RAB11FIP5: variants seen among roughly 807,000 people sequenced by gnomAD.
The protein encoded by RAB11FIP5 is RAB11 family interacting protein 5, also known as rab11 family-interacting protein 5.
A neutral mutation model predicts 85.1 loss-of-function variants in RAB11FIP5; 48 were observed. The ratio of observed to expected loss-of-function variants is 0.56; its 90% CI spans 0.45 to 0.72. The LOEUF is 0.72. Ranked by LOEUF, RAB11FIP5 falls within the 30% of genes least tolerant of loss-of-function variation. The pLI, the probability that RAB11FIP5 is intolerant of heterozygous loss-of-function variation, is 0.00. For synonymous variants in RAB11FIP5, 729 were observed against 727.3 expected, an observed-to-expected ratio of 1.00 and a Z score of -0.04; for missense variants, 1,491 against 1,687.0, an observed-to-expected ratio of 0.88 and a Z score of 2.04.
rs919589643 is a variant in RAB11FIP5, at chr2:73,089,027, C to T, written c.720G>A (p.Leu240=). The stretch of plus-strand genomic sequence containing the variant: ...TGGACTGGGTCAGGGACGACTTGCG[C>T]AGCTTGTTGCGGAGGAAGAAGCCTT... ...KAKGFFLRNK[L]RKSSLTQSNT... The change falls in exon 2 of 6, where the codon CTG becomes CTA. Residue 240 remains leucine (L), a synonymous_variant. Transcript: ENST00000486777. This position sits in a 1 kb window ranked among gnomAD's most constrained non-coding sequence, Gnocchi z 4.6. 7 of 1,614,224 alleles carry T rather than the reference C, an allele frequency of 4.3e-6. No homozygotes were observed. Among genetic ancestry groups the T allele is most frequent in the Non-Finnish European group, 5.9e-6 (7 of 1,180,036 alleles).
At position 73,086,413 on chromosome 2, in the gene RAB11FIP5, G is replaced by A. The variant is rs561580651; in HGVS notation, c.1568+1637C>T. Among the ~76,000 whole-genome samples the A allele has an allele frequency of 9.9e-4, 151 of 152,272 alleles. No homozygotes were observed. Among genetic ancestry groups the A allele is most frequent in the African/African-American group, 3.4e-3 (140 of 41,564 alleles). ...AAGCAGGAGAAAGAGGATGGAGACT[G>A]TAAGTGCCCCAGGCCAGTGACAACC... On this transcript the variant is annotated intron_variant, in intron 3 of 5. Coordinates refer to ENST00000486777, the MANE Select transcript of RAB11FIP5 (RefSeq NM_001371272.1). This position sits in a 1 kb window ranked among gnomAD's most constrained non-coding sequence, Gnocchi z 4.4.
chr2:73,098,057 A>G (rs2106118324), intron 1 of RAB11FIP5, among the ~76,000 whole-genome samples: 1 of 152,254 alleles, frequency 6.6e-6, no homozygotes, highest in South Asian at 2.1e-4. Flanking sequence ...TGGGAGGCAG[A>G]CTCTGGAAGT....
In RAB11FIP5 at chr2:73,076,119, G is replaced by A; in HGVS notation, c.3645C>T (p.Ser1215=). ...PVEGSPDRKQ[S]RSSLSIALSS... ...TCAGGGCTATGCTCAGACTGGAGCG[G>A]GACTGCTTCCTGTCGGGGCTGCCCT... Residue 1215 remains serine, a synonymous_variant, in exon 5 of 6, where the codon TCC becomes TCT. Transcript: ENST00000486777. 6.2e-7 allele frequency: 1 copy of A among 1,614,040 alleles called. No homozygotes were observed. The highest frequency in any genetic ancestry group is 8.5e-7 in the Non-Finnish European group (1 of 1,179,896).
chr2:73,099,616 C>T (rs548690308), intron 1 of RAB11FIP5, among the ~76,000 whole-genome samples: 4 of 152,248 alleles, frequency 2.6e-5, no homozygotes, highest in Admixed American at 6.5e-5. Flanking sequence ...CCCAGCGTCA[C>T]GCCACAGTGC....
At chr2:73,079,517 C>T (rs1683925650) in intron 4 of RAB11FIP5, 134 bp downstream of exon 4, 32 of 1,114,028 alleles carry the variant, frequency 2.9e-5, no homozygotes, top group Non-Finnish European at 3.5e-5. Flanking sequence ...TACCGTCTTG[C>T]CTCTGGGGTA....
Position 73,081,204 on chromosome 2 carries a change from C to T in RAB11FIP5, c.2028G>A (p.Leu676=), listed in dbSNP as rs772706230. ...SEILAPAGVG[L]EAAGLQDPGP... is the part of the protein sequence containing the mutation. ...CTGGGTCTTGCAGCCCTGCCGCCTC[C>T]AGCCCCACTCCTGCAGGGGCCAGGA... Residue 676 remains leucine (L), a synonymous_variant, in exon 4 of 6, where the codon CTG becomes CTA. Coordinates refer to ENST00000486777, the MANE Select transcript of RAB11FIP5 (RefSeq NM_001371272.1). This position sits in a 1 kb window ranked among gnomAD's most constrained non-coding sequence, Gnocchi z 4.2. 5.7e-6 allele frequency: 7 copies of T among 1,232,412 alleles called. No individual in the cohort carries two copies. The highest frequency in any genetic ancestry group is 6.1e-6 in the Non-Finnish European group (6 of 988,226). The allele number at this position is 1,232,412 out of a possible 1,614,324, so 76.3% of individuals were successfully genotyped here. A position where few individuals can be genotyped will look rare whatever the true frequency, so the allele number is the denominator to read the frequency against.
At chr2:73,079,481 T>C (rs927355866) in intron 4 of RAB11FIP5, among the ~76,000 whole-genome samples, 170 bp downstream of exon 4, 13 of 152,152 alleles carry the variant, frequency 8.5e-5, no homozygotes, top group African/African-American at 3.1e-4. Context: ...GGTGGTACCA[T>C]AGAAAGCTCC....
chr2:73,080,718 G>T lies in RAB11FIP5; in HGVS notation c.2514C>A (p.Val838=). ...CTGTCTCAGCTGCAGGAGAAATGGT[G>T]ACCACATCCCAAGGCCAGGCATCAT... ...TADDAWPWDV[V]TISPAAETAS... Residue 838 remains valine (V), a synonymous_variant, in exon 4 of 6, where the codon GTC becomes GTA. Coordinates refer to ENST00000486777, the MANE Select transcript of RAB11FIP5 (RefSeq NM_001371272.1). 1 of 1,232,528 alleles carries T rather than the reference G, an allele frequency of 8.1e-7. No individual in the cohort carries two copies. The highest frequency in any genetic ancestry group is 4.1e-5 in the South Asian group (1 of 24,286). 76.3% of individuals were successfully genotyped at this position (1,232,528 alleles called of 1,614,324 possible).
At position 73,089,539 on chromosome 2, in the gene RAB11FIP5, G is replaced by C. The variant is rs1450869167; in HGVS notation, c.432-224C>G. On this transcript the variant is annotated intron_variant, in intron 1 of 5. Transcript: ENST00000486777. The surrounding 1 kb of genome is among the most constrained non-coding windows in gnomAD (Gnocchi z 4.6). Reference sequence around the variant, plus strand: ...ATGGAGAAAACCACATCCTGAGTGGGGAAGCTCCTCGGGTGCCACCAGGTA... The same window carrying C: ...ATGGAGAAAACCACATCCTGAGTGGCGAAGCTCCTCGGGTGCCACCAGGTA... The C allele has an allele frequency of 3.2e-6, 2 of 629,036 alleles. No homozygotes were observed. The highest frequency in any genetic ancestry group is 5.7e-5 in the East Asian group (2 of 35,000). 39.0% of individuals were successfully genotyped at this position (629,036 alleles called of 1,614,324 possible). A position where few individuals can be genotyped will look rare whatever the true frequency, so the allele number is the denominator to read the frequency against.
At chr2:73,100,426 T>G (rs1387655891) in intron 1 of RAB11FIP5, among the ~76,000 whole-genome samples, 2 of 62,006 alleles carry the variant, frequency 3.2e-5, no homozygotes, top group African/African-American at 2.3e-4. Flanking sequence ...TTGGTTGTGG[T>G]TTTTTTTTTT....
rs1187964900 is a variant in RAB11FIP5 at position 73,080,715 on chromosome 2, G to A, written c.2517C>T (p.Thr839=). Residue 839 remains threonine, a synonymous_variant, in exon 4 of 6, where the codon ACC becomes ACT. Coordinates refer to ENST00000486777, the MANE Select transcript of RAB11FIP5 (RefSeq NM_001371272.1). ...AGGCTGTCTCAGCTGCAGGAGAAAT[G>A]GTGACCACATCCCAAGGCCAGGCAT... ...ADDAWPWDVV[T]ISPAAETASL... 1 of 1,232,546 alleles carries A rather than the reference G, an allele frequency of 8.1e-7. No individual in the cohort carries two copies. Among genetic ancestry groups the A allele is most frequent in the East Asian group, 3.2e-5 (1 of 31,704 alleles). The allele number at this position is 1,232,546 out of a possible 1,614,324, so 76.4% of individuals were successfully genotyped here.
chr2:73,109,040 G>A (rs538376451), intron 1 of RAB11FIP5, among the ~76,000 whole-genome samples: 15 of 151,392 alleles, frequency 9.9e-5, no homozygotes, highest in African/African-American at 3.6e-4. Context: ...GTGAGACACT[G>A]TCTCAAAAAA....
rs1683908048 is a variant in RAB11FIP5, at chr2:73,078,717, T to C, written c.3581+934A>G. ...TGGATGACCAAACATGAATGCCTGG[T>C]CGGGAGGCCAGTGCTGGAGCCTGCC... On this transcript the variant is annotated intron_variant, in intron 4 of 5. Transcript: ENST00000486777. This position sits in a 1 kb window ranked among gnomAD's most constrained non-coding sequence, Gnocchi z 4.4. Among the ~76,000 whole-genome samples, 1 of 152,226 alleles carries C rather than the reference T, an allele frequency of 6.6e-6. No homozygotes were observed. The highest frequency in any genetic ancestry group is 6.5e-5 in the Admixed American group (1 of 15,286).
At position 73,074,474 on chromosome 2, in the gene RAB11FIP5, G is replaced by T. The variant is rs17008654; in HGVS notation, c.*1047C>A. On this transcript the variant is annotated 3_prime_UTR_variant, in exon 6 of 6. Coordinates refer to ENST00000486777, the MANE Select transcript of RAB11FIP5 (RefSeq NM_001371272.1). ...CCAAGAGATTAACTTTAGGGGAGGGGAACAGCCCACAGCAGTGCTGTCCAT... is the reference window on the plus strand; with the variant it reads ...CCAAGAGATTAACTTTAGGGGAGGGTAACAGCCCACAGCAGTGCTGTCCAT... The T allele has an allele frequency of 0.078, 11,860 of 152,784 alleles. 629 individuals carry two copies. The highest frequency in any genetic ancestry group is 0.11 in the Non-Finnish European group (7,453 of 68,208). 9.5% of individuals were successfully genotyped at this position (152,784 alleles called of 1,614,324 possible). A position where few individuals can be genotyped will look rare whatever the true frequency, so the allele number is the denominator to read the frequency against.
chr2:73,086,247 G>A lies in RAB11FIP5; in HGVS notation c.1568+1803C>T, dbSNP rs553984562. On this transcript the variant is annotated intron_variant, in intron 3 of 5. Coordinates refer to ENST00000486777, the MANE Select transcript of RAB11FIP5 (RefSeq NM_001371272.1). The surrounding 1 kb of genome is among the most constrained non-coding windows in gnomAD (Gnocchi z 4.4). ...GCCACCTGCAAATAGGCCCCATCTT[G>A]GGAGGGATGCTGAGTGCCCTCCATC... Among the ~76,000 whole-genome samples the A allele has an allele frequency of 8.5e-5, 13 of 152,332 alleles. No homozygotes were observed. The highest frequency in any genetic ancestry group is 2.9e-4 in the African/African-American group (12 of 41,578).
intron 1 of RAB11FIP5, among the ~76,000 whole-genome samples, chr2:73,105,142 T>C (rs2106123506): frequency 6.6e-6 from 1 of 152,372 alleles, no homozygotes; most frequent in South Asian, 2.1e-4. Context: ...TGGTATGTGC[T>C]GATGCCCCCA....
At chr2:73,107,503 G>A (rs544341800) in intron 1 of RAB11FIP5, among the ~76,000 whole-genome samples, 1 of 152,286 alleles carries the variant, frequency 6.6e-6, no homozygotes, top group East Asian at 1.9e-4. Context: ...GCAGAGATGG[G>A]GCTGACCACA....
At chr2:73,111,709 T>C (rs1158580208) in intron 1 of RAB11FIP5, among the ~76,000 whole-genome samples, 4 of 152,060 alleles carry the variant, frequency 2.6e-5, no homozygotes, top group African/African-American at 4.8e-5. Flanking sequence ...AGTGTTTCCT[T>C]CCTTAACTTA....
Position 73,075,629 on chromosome 2 carries a change from C to T in RAB11FIP5, c.3867G>A (p.Gln1289=). ...CCAGCTCCTGCACATGCTCGTCCCG[C>T]TGGCTCAGCTCCCGCTCCCGCTGCA... ...LLLQRERELS[Q]RDEHVQELES... is the part of the protein sequence containing the mutation. Residue 1289 remains glutamine (Q), a synonymous_variant, in exon 6 of 6, where the codon CAG becomes CAA. Transcript: ENST00000486777. The surrounding 1 kb of genome is among the most constrained non-coding windows in gnomAD (Gnocchi z 4.6). The T allele has an allele frequency of 6.2e-7, 1 of 1,614,062 alleles. No homozygotes were observed. The highest frequency in any genetic ancestry group is 8.5e-7 in the Non-Finnish European group (1 of 1,179,980).
Sources: allele counts gnomAD v4.1 joint callset (sites outside exome capture counted in the v4.1 genomes callset), GRCh38; gene constraint gnomAD v4.1.1; non-coding constraint Gnocchi (gnomAD v3.1); transcripts MANE v1.5; gene names NCBI Gene and HGNC (gene_info 2026-07-23, HGNC 2026-07-21).